Variants in TENM2 observed in about 807,000 individuals in gnomAD.
TENM2 encodes teneurin-2.
Under a neutral mutation model 245.2 loss-of-function variants are expected in TENM2, and 52 were observed. The observed-to-expected ratio is 0.21, with a 90% CI of 0.17 to 0.27. The LOEUF is 0.27. Among genes scored for constraint, TENM2 ranks in the 10% least tolerant of loss-of-function variants. The pLI is 1.00. For synonymous variants in TENM2, 1,363 were observed against 1,438.9 expected (o/e 0.95, Z 1.19); for missense variants, 3,046 against 3,666.8 (o/e 0.83, Z 4.37).
chr5:167,614,475 T>C (rs1777660901), intron 2 of TENM2, among the ~76,000 whole-genome samples: 3 of 152,156 alleles, frequency 2.0e-5, no homozygotes, highest in African/African-American at 7.2e-5. Flanking sequence ...GTGCCTTGGT[T>C]AGTTTCACTA....
At chr5:167,649,810 A>G (rs1384448654) in intron 2 of TENM2, among the ~76,000 whole-genome samples, 8 of 152,208 alleles carry the variant, frequency 5.3e-5, no homozygotes, top group African/African-American at 1.2e-4. Context: ...TCCTCCTCCT[A>G]TAAGTAGTAG....
At chr5:167,469,010 C>G (rs1022211628) in intron 2 of TENM2, among the ~76,000 whole-genome samples, 8 of 152,112 alleles carry the variant, frequency 5.3e-5, no homozygotes, top group African/African-American at 1.9e-4. Context: ...TATTTTAATT[C>G]TAACTTTGTT....
In TENM2 at chr5:168,054,974, T is replaced by G. The variant is rs527293468; in HGVS notation, c.1310-7086T>G. The stretch of plus-strand genomic sequence containing the variant: ...ATGACACTTTTCATTGTGCAGCTCT[T>G]GGATAGACTGAAAGGTTTGCCATGG... On this transcript the variant is annotated intron_variant, in intron 6 of 28. Transcript: ENST00000518659. Among the ~76,000 whole-genome samples the G allele has an allele frequency of 2.0e-5, 3 of 152,312 alleles. No homozygotes were observed. The South Asian group carries it at 6.2e-4, about 32-fold the overall frequency.
chr5:167,584,662 A>G (rs546267575), intron 2 of TENM2, among the ~76,000 whole-genome samples: 1 of 149,794 alleles, frequency 6.7e-6, no homozygotes, highest in Non-Finnish European at 1.5e-5. Context: ...TCCAGACCGT[A>G]TTCTCCCGCC....
At chr5:168,188,060 G>T (rs573583496) in intron 13 of TENM2, among the ~76,000 whole-genome samples, 58 of 152,280 alleles carry the variant, frequency 3.8e-4, no homozygotes, top group South Asian at 1.7e-3. Context: ...GGCAAAACAT[G>T]CAACCTCCTA....
chr5:167,718,809 G>A (rs752038312), intron 2 of TENM2, among the ~76,000 whole-genome samples: 1 of 151,604 alleles, frequency 6.6e-6, no homozygotes, highest in Admixed American at 6.6e-5. Flanking sequence ...TTACCGGTTC[G>A]GTGATCTCTG....
At chr5:167,142,172 G>A in the TENM2 span, among the ~76,000 whole-genome samples, 1 of 150,420 alleles carries the variant, frequency 6.6e-6, no homozygotes, top group African/African-American at 2.5e-5. Flanking sequence ...TATAAGATTT[G>A]TTTCCATGCT....
At chr5:167,012,487 G>A in the TENM2 span, among the ~76,000 whole-genome samples, 1 of 151,430 alleles carries the variant, frequency 6.6e-6, no homozygotes, top group East Asian at 1.9e-4. Flanking sequence ...TGTGTAGACA[G>A]TAGTGGAGCC....
chr5:167,382,375 G>C (rs1469169290), intron 2 of TENM2, among the ~76,000 whole-genome samples: 1 of 152,174 alleles, frequency 6.6e-6, no homozygotes, highest in African/African-American at 2.4e-5. Flanking sequence ...TATGCCAAGA[G>C]AGAAAGACAT....
chr5:167,224,815 A>T, the TENM2 span, among the ~76,000 whole-genome samples: 1 of 151,960 alleles, frequency 6.6e-6, no homozygotes, highest in Non-Finnish European at 1.5e-5. Flanking sequence ...TAACAATATT[A>T]ATTGTTCTAA....
intron 2 of TENM2, among the ~76,000 whole-genome samples, chr5:167,598,011 C>T (rs1776342970): frequency 6.6e-6 from 1 of 152,174 alleles, no homozygotes; most frequent in African/African-American, 2.4e-5. Context: ...ACCCACATTC[C>T]ATGAGTTTAG....
chr5:167,337,133 A>C (rs1400151386), intron 1 of TENM2, among the ~76,000 whole-genome samples: 4 of 150,016 alleles, frequency 2.7e-5, no homozygotes, highest in African/African-American at 9.8e-5. Context: ...CAAAAAAAAA[A>C]AAAAAAAAAA....
intron 9 of TENM2, among the ~76,000 whole-genome samples, chr5:168,104,650 T>C (rs1259004965): frequency 1.3e-5 from 2 of 152,194 alleles, no homozygotes; most frequent in Non-Finnish European, 2.9e-5. Flanking sequence ...GCTCCTTGTC[T>C]TCTTATAAAC....
At chr5:168,099,271 T>C (rs567168838) in intron 9 of TENM2, among the ~76,000 whole-genome samples, 9 of 152,194 alleles carry the variant, frequency 5.9e-5, no homozygotes, top group African/African-American at 1.4e-4. Flanking sequence ...CAATAGGCCA[T>C]ATCACAGTTT....
At chr5:167,604,560 T>C (rs536259831) in intron 2 of TENM2, among the ~76,000 whole-genome samples, 2 of 152,310 alleles carry the variant, frequency 1.3e-5, no homozygotes, top group South Asian at 4.1e-4. Context: ...TAATTTCTTA[T>C]GTTGGATTAG....
At chr5:167,413,671 A>G (rs895171595) in intron 2 of TENM2, among the ~76,000 whole-genome samples, 6 of 152,148 alleles carry the variant, frequency 3.9e-5, no homozygotes, top group South Asian at 2.1e-4. Context: ...TGCTTTACGT[A>G]TAGAACCAGT....
chr5:167,077,184 A>C, the TENM2 span, among the ~76,000 whole-genome samples: 1 of 152,210 alleles, frequency 6.6e-6, no homozygotes, highest in Non-Finnish European at 1.5e-5. Flanking sequence ...ATTTCACAAA[A>C]TATTTTGTTG....
intron 2 of TENM2, among the ~76,000 whole-genome samples, chr5:167,433,982 T>A (rs1325269209): frequency 6.6e-6 from 1 of 152,180 alleles, no homozygotes; most frequent in Non-Finnish European, 1.5e-5. Flanking sequence ...TATTATCTTG[T>A]GTTGAGATCC....
At chr5:167,030,843 T>A in the TENM2 span, among the ~76,000 whole-genome samples, 2 of 152,158 alleles carry the variant, frequency 1.3e-5, no homozygotes, top group African/African-American at 4.8e-5. Context: ...CCCCTGTTAT[T>A]TACCACCTCT....
Sources: gnomAD v4.1 joint callset for allele counts (sites outside exome capture counted in the v4.1 genomes callset) on GRCh38, gnomAD v4.1.1 for gene constraint, MANE v1.5 for transcripts, NCBI Gene and HGNC (gene_info 2026-07-23, HGNC 2026-07-21) for gene names.